The following AXDND1 variants were observed in gnomAD, a reference collection of about 807,000 sequenced individuals.
AXDND1 encodes axonemal dynein light chain domain containing 1.
AXDND1 carries 110 observed loss-of-function variants against 137.5 expected under a neutral mutation model. That is an observed-to-expected ratio of 0.80 (90% CI 0.69 to 0.94). The LOEUF is 0.94. AXDND1 is among the 40% of genes least tolerant of loss of function. The pLI, the probability that AXDND1 is intolerant of heterozygous loss-of-function variation, is 0.00. For synonymous variants in AXDND1, 414 were observed against 399.7 expected, an observed-to-expected ratio of 1.04 and a Z score of -0.43; for missense variants, 1,191 against 1,169.8, an observed-to-expected ratio of 1.02 and a Z score of -0.26.
At chr1:179,542,201 ATATTT>A (rs1332055706) in intron 25 of AXDND1, among the ~76,000 whole-genome samples, 2 of 152,192 alleles carry the variant, frequency 1.3e-5, no homozygotes, top group South Asian at 4.1e-4. Context: ...GCAGTTCTCA[ATATTT>A]CTAATATTAG....
rs1304929804 is a variant in AXDND1 at position 179,408,935 on chromosome 1, T to A, written c.1110-2211T>A. Among the ~76,000 whole-genome samples, 3 of 151,342 alleles carry A rather than the reference T, an allele frequency of 2.0e-5. No homozygotes were observed. The East Asian group carries it at 5.9e-4, about 30-fold the overall frequency. On this transcript the variant is annotated intron_variant, in intron 11 of 25. Transcript: ENST00000367618. The stretch of plus-strand genomic sequence containing the variant: ...CCTAGGTTCAAGTAATCCTCCTGCC[T>A]TGACTCTTAAAGTGTGTTTTCTTTT...
chr1:179,462,614 A>C (rs1331801112), intron 16 of AXDND1, among the ~76,000 whole-genome samples: 1 of 152,216 alleles, frequency 6.6e-6, no homozygotes, highest in Admixed American at 6.5e-5. Context: ...TAGTTTCAGA[A>C]GGAATGGTAC....
Position 179,417,025 on chromosome 1 carries a change from C to T in AXDND1, c.1230+5759C>T, listed in dbSNP as rs115806841. On this transcript the variant is annotated intron_variant, in intron 12 of 25. Coordinates refer to ENST00000367618, the MANE Select transcript of AXDND1 (RefSeq NM_144696.6). ...GTATTGCCTGTTTTTTGATACAATC[C>T]ATTTTAACTGGGGTGAGATGATATC... Among the ~76,000 whole-genome samples, 1,021 of 152,234 alleles carry T rather than the reference C, an allele frequency of 6.7e-3. 13 individuals carry two copies. The highest frequency in any genetic ancestry group is 0.023 in the African/African-American group (939 of 41,546).
chr1:179,539,020 T>G (rs569154796), intron 25 of AXDND1, among the ~76,000 whole-genome samples: 1 of 151,942 alleles, frequency 6.6e-6, no homozygotes, highest in Admixed American at 6.6e-5. Context: ...TCAACCCCTT[T>G]TTTTTGTTTT....
rs566966913 is a variant in AXDND1, at chr1:179,486,864, C to T, written c.2091+3643C>T. On this transcript the variant is annotated intron_variant, in intron 18 of 25. Coordinates refer to ENST00000367618, the MANE Select transcript of AXDND1 (RefSeq NM_144696.6). ...GGAAAAGAAAGACCATTACCAGCCA[C>T]GACAAATACACACTTGGGTATTTAG... Among the ~76,000 whole-genome samples, 13 of 148,586 alleles carry T rather than the reference C, an allele frequency of 8.7e-5. 1 individual carries two copies. The Middle Eastern group carries it at 0.01, about 120-fold the overall frequency.
chr1:179,518,536 C>T (rs1242393397), intron 21 of AXDND1, among the ~76,000 whole-genome samples: 1 of 152,156 alleles, frequency 6.6e-6, no homozygotes, highest in African/African-American at 2.4e-5. Context: ...TCCTCTCCCT[C>T]TGTCCATCCT....
At position 179,445,176 on chromosome 1, in the gene AXDND1, A is replaced by T; in HGVS notation, c.1770A>T (p.Glu590Asp). 1 of 1,598,648 alleles carries T rather than the reference A, an allele frequency of 6.3e-7. No homozygotes were observed. Among genetic ancestry groups the T allele is most frequent in the Non-Finnish European group, 8.5e-7 (1 of 1,170,536 alleles). The change falls in exon 16 of 26, where the codon GAA becomes GAT. Residue 590 changes from glutamate to aspartate, a missense_variant. Physicochemically the swap from Glu to Asp is conservative, Grantham distance 45. Coordinates refer to ENST00000367618, the MANE Select transcript of AXDND1 (RefSeq NM_144696.6). ...IIKNIQKLYK[E>D]YEIRINGDNG... The stretch of plus-strand genomic sequence containing the variant: ...AAAACATACAAAAACTCTACAAAGA[A>T]TATGAAATAAGAATAAATGGGGACA...
intron 15 of AXDND1, among the ~76,000 whole-genome samples, chr1:179,442,762 C>G (rs1659174006): frequency 6.6e-6 from 1 of 152,180 alleles, no homozygotes. Context: ...TTCCTCTGTT[C>G]CAGCAGACCT....
At chr1:179,497,385 A>G (rs573959373) in intron 20 of AXDND1, among the ~76,000 whole-genome samples, 12 of 152,284 alleles carry the variant, frequency 7.9e-5, no homozygotes, top group South Asian at 2.1e-4. Flanking sequence ...AATTGACTCT[A>G]TCATTATGAA....
chr1:179,404,170 T>G (rs774266542), intron 11 of AXDND1, among the ~76,000 whole-genome samples: 1 of 152,082 alleles, frequency 6.6e-6, no homozygotes, highest in Non-Finnish European at 1.5e-5. Flanking sequence ...TTGCTAACTT[T>G]TCTTCATTTT....
chr1:179,373,932 C>T (rs1291316302), intron 4 of AXDND1, among the ~76,000 whole-genome samples: 1 of 152,134 alleles, frequency 6.6e-6, no homozygotes, highest in Non-Finnish European at 1.5e-5. Flanking sequence ...GACTTCATGT[C>T]TAAAACACCA....
At chr1:179,550,253 C>T (rs1673073020) in intron 25 of AXDND1, among the ~76,000 whole-genome samples, 1 of 152,000 alleles carries the variant, frequency 6.6e-6, no homozygotes, top group South Asian at 2.1e-4. Context: ...TGCAGATATG[C>T]ATTTCTAATT....
chr1:179,539,708 T>A (rs991115297), intron 25 of AXDND1, among the ~76,000 whole-genome samples: 1 of 152,214 alleles, frequency 6.6e-6, no homozygotes, highest in Admixed American at 6.5e-5. Flanking sequence ...TGGTGTTCTC[T>A]GTATTTCCTG....
Position 179,483,277 on chromosome 1 carries a change from T to C in AXDND1, c.2091+56T>C, listed in dbSNP as rs1665647400. 6 of 1,270,648 alleles carry C rather than the reference T, an allele frequency of 4.7e-6. No homozygotes were observed. The Admixed American group carries it at 6.5e-5, about 14-fold the overall frequency. 78.7% of individuals were successfully genotyped at this position (1,270,648 alleles called of 1,614,324 possible). Reference sequence around the variant, plus strand: ...ATTTTGCCTCGGCTGGCAAATTTCTTCAAGGAAAAATAATGCTCTCCCTAT... The same window carrying C: ...ATTTTGCCTCGGCTGGCAAATTTCTCCAAGGAAAAATAATGCTCTCCCTAT... On this transcript the variant is annotated intron_variant, in intron 18 of 25. Coordinates refer to ENST00000367618, the MANE Select transcript of AXDND1 (RefSeq NM_144696.6).
chr1:179,404,900 G>A (rs2125190183), intron 11 of AXDND1, among the ~76,000 whole-genome samples: 1 of 152,026 alleles, frequency 6.6e-6, no homozygotes, highest in East Asian at 1.9e-4. Context: ...TGCTTTGTTG[G>A]GAGACTTTTT....
rs1274256442 is a variant in AXDND1, at chr1:179,536,263, GT to G, written c.3031+1305del. On this transcript the variant is annotated intron_variant, in intron 25 of 25. Coordinates refer to ENST00000367618, the MANE Select transcript of AXDND1 (RefSeq NM_144696.6). The stretch of plus-strand genomic sequence containing the variant: ...GGCTTGTGTTGCTATTGCTTTTGGT[GT>G]TTTAGTCATGAAGTCTTTGCCCATG... Among the ~76,000 whole-genome samples the G allele has an allele frequency of 2.6e-5, 4 of 152,236 alleles. No individual in the cohort carries two copies. In the East Asian group the frequency reaches 7.7e-4, roughly 29 times the overall value.
chr1:179,387,634 T>C (rs545816652), intron 9 of AXDND1, among the ~76,000 whole-genome samples: 1 of 152,362 alleles, frequency 6.6e-6, no homozygotes, highest in Admixed American at 6.5e-5. Flanking sequence ...AGCTTTGTTT[T>C]GGGACACAAT....
chr1:179,456,065 T>A (rs1455396817), intron 16 of AXDND1: 3 of 461,854 alleles, frequency 6.5e-6, no homozygotes, highest in African/African-American at 2.0e-5. Context: ...GTCCTCGAGT[T>A]TTTTGCCCAT....
chr1:179,529,404 AATTG>A (rs1670852524), intron 23 of AXDND1, among the ~76,000 whole-genome samples: 1 of 152,238 alleles, frequency 6.6e-6, no homozygotes, highest in Non-Finnish European at 1.5e-5. Context: ...ATGTGAGGCA[AATTG>A]ATTAATAGGA....
Sources: gnomAD v4.1 joint callset for allele counts (sites outside exome capture counted in the v4.1 genomes callset) on GRCh38, gnomAD v4.1.1 for gene constraint, MANE v1.5 for transcripts, NCBI Gene and HGNC (gene_info 2026-07-23, HGNC 2026-07-21) for gene names.